The following BEND6 variants were observed in gnomAD, a reference collection of about 807,000 sequenced individuals.
BEND6 encodes the protein BEN domain-containing protein 6.
A neutral mutation model predicts 31.8 loss-of-function variants in BEND6; 24 were observed. That is an observed-to-expected ratio of 0.75 (90% CI 0.55 to 1.06). BEND6 has a LOEUF of 1.06. Ranked by LOEUF, BEND6 falls within the 50% of genes least tolerant of loss-of-function variation. BEND6 has a pLI of 0.00. For synonymous variants in BEND6, 109 were observed against 114.6 expected, an observed-to-expected ratio of 0.95 and a Z score of 0.31; for missense variants, 294 against 327.4, an observed-to-expected ratio of 0.90 and a Z score of 0.79.
chr6:56,997,213 G>A (rs1826751751), intron 3 of BEND6, among the ~76,000 whole-genome samples: 1 of 152,094 alleles, frequency 6.6e-6, no homozygotes, highest in African/African-American at 2.4e-5. Flanking sequence ...TGCCTAGAAT[G>A]TTCTTCTTCC....
chr6:56,978,371 C>A (rs1825962092), intron 1 of BEND6, among the ~76,000 whole-genome samples: 1 of 152,058 alleles, frequency 6.6e-6, no homozygotes, highest in South Asian at 2.1e-4. Flanking sequence ...CACCACAATT[C>A]AATTTTTAAA....
chr6:56,976,212 T>C (rs1362747030), intron 1 of BEND6: 1 of 182,656 alleles, frequency 5.5e-6, no homozygotes, highest in Non-Finnish European at 1.1e-5. Flanking sequence ...TTTTTTTTTT[T>C]TGAGATACAG....
chr6:57,019,831 C>T (rs935741265), intron 6 of BEND6, among the ~76,000 whole-genome samples: 17 of 152,224 alleles, frequency 1.1e-4, no homozygotes, highest in Admixed American at 4.6e-4. Context: ...TGGTGGCTCA[C>T]GCCTGTAGTC....
chr6:57,014,553 AAG>A (rs1177963332), intron 3 of BEND6: 5 of 1,453,240 alleles, frequency 3.4e-6, no homozygotes, highest in Non-Finnish European at 4.6e-6. Flanking sequence ...AAAAGGAACA[AAG>A]AAAATATTCC....
chr6:56,972,244 G>A (rs999764939), intron 1 of BEND6, among the ~76,000 whole-genome samples: 26 of 151,694 alleles, frequency 1.7e-4, no homozygotes, highest in African/African-American at 5.8e-4. Flanking sequence ...AAAGTCATGC[G>A]CCACCAGGCC....
chr6:57,007,021 G>A (rs1308446111), intron 3 of BEND6, among the ~76,000 whole-genome samples: 4 of 152,172 alleles, frequency 2.6e-5, no homozygotes, highest in Non-Finnish European at 5.9e-5. Flanking sequence ...CAGGCACGGT[G>A]ACTTACACCT....
rs75843513 is a variant in BEND6 at position 56,996,479 on chromosome 6, A to C, written c.298+3924A>C. Among the ~76,000 whole-genome samples the C allele has an allele frequency of 8.6e-3, 1,313 of 152,008 alleles. 21 individuals are homozygous for C. Among genetic ancestry groups the C allele is most frequent in the African/African-American group, 0.03 (1,233 of 41,400 alleles). ...CAAACAAAAACAAAAACAAAAAAAA[A>C]CACACAAAAATCAATGAGCTATGAT... On this transcript the variant is annotated intron_variant, in intron 3 of 6. Coordinates refer to ENST00000370746, the MANE Select transcript of BEND6 (RefSeq NM_152731.3).
At chr6:56,965,186 TG>T (rs1329440279) in intron 1 of BEND6, among the ~76,000 whole-genome samples, 4 of 152,310 alleles carry the variant, frequency 2.6e-5, no homozygotes, top group East Asian at 3.8e-4. Flanking sequence ...GCTGATCATT[TG>T]TTTTTTTTAA....
intron 3 of BEND6, chr6:57,014,505 A>G: frequency 6.6e-7 from 1 of 1,524,320 alleles, no homozygotes; most frequent in Non-Finnish European, 8.8e-7. Flanking sequence ...TTTTACATGG[A>G]GGCATGAAAA....
At chr6:56,989,183 T>C (rs1221117681) in intron 2 of BEND6, among the ~76,000 whole-genome samples, 1 of 150,788 alleles carries the variant, frequency 6.6e-6, no homozygotes, top group Non-Finnish European at 1.5e-5. Flanking sequence ...TTTATCTAGA[T>C]AATGTATCAT....
intron 3 of BEND6, among the ~76,000 whole-genome samples, chr6:57,007,840 C>A (rs1285120411): frequency 2.0e-5 from 3 of 152,092 alleles, no homozygotes; most frequent in Non-Finnish European, 4.4e-5. Context: ...TTCCCGGAAC[C>A]AAGCTGGGTC....
Position 57,015,275 on chromosome 6 carries a change from A to T in BEND6, c.441A>T (p.Thr147=), listed in dbSNP as rs760983780. Residue 147 remains threonine (T), a synonymous_variant, in exon 4 of 7, where the codon ACA becomes ACT. Transcript: ENST00000370746. ...NNSSPDSFAS[T]CSNSNSNSSS... is the part of the protein sequence containing the mutation. ...CCTCGCCAGATTCATTTGCCTCAACATGCAGTAATTCTAATTCTAACTCCA... is the reference window on the plus strand; with the variant it reads ...CCTCGCCAGATTCATTTGCCTCAACTTGCAGTAATTCTAATTCTAACTCCA... 1.7e-5 allele frequency: 28 copies of T among 1,614,050 alleles called. No individual in the cohort carries two copies. In the Admixed American group the frequency reaches 2.3e-4, roughly 13 times the overall value.
intron 2 of BEND6, among the ~76,000 whole-genome samples, chr6:56,988,619 G>C (rs1317305506): frequency 3.3e-5 from 5 of 151,966 alleles, no homozygotes; most frequent in South Asian, 4.1e-4. Flanking sequence ...CCCATCCCAA[G>C]ACCTAAAACA....
chr6:56,992,642 G>A, intron 3 of BEND6, 87 bp downstream of exon 3: 5 of 1,399,336 alleles, frequency 3.6e-6, no homozygotes, highest in South Asian at 1.5e-5. Flanking sequence ...CAAGAATGAA[G>A]AAGAAAATCC....
intron 1 of BEND6, chr6:56,975,604 C>A: frequency 2.9e-6 from 1 of 348,320 alleles, no homozygotes; most frequent in South Asian, 3.1e-5. Context: ...CGAAAGCACT[C>A]TAGCCCATCA....
intron 1 of BEND6, among the ~76,000 whole-genome samples, chr6:56,977,477 T>G (rs79207065): frequency 0.13 from 19,614 of 152,160 alleles, 1,476 homozygotes; most frequent in Middle Eastern, 0.2. Context: ...CAAATATATA[T>G]AGAGCAGAAA....
chr6:56,963,847 A>G (rs1442154591), intron 1 of BEND6, among the ~76,000 whole-genome samples: 1 of 147,436 alleles, frequency 6.8e-6, no homozygotes, highest in Non-Finnish European at 1.5e-5. Flanking sequence ...TATAACTAAT[A>G]CAATACTAGT....
chr6:56,967,598 A>G (rs1825529989), intron 1 of BEND6, among the ~76,000 whole-genome samples: 1 of 152,130 alleles, frequency 6.6e-6, no homozygotes, highest in African/African-American at 2.4e-5. Flanking sequence ...AAGGATCTGG[A>G]GGGCCAAAGA....
chr6:57,004,603 G>C, intron 3 of BEND6: 1 of 1,024,026 alleles, frequency 9.8e-7, no homozygotes, highest in Non-Finnish European at 1.5e-6. Flanking sequence ...TCAACCTCCA[G>C]ATCAACCTGG....
Sources: allele counts gnomAD v4.1 joint callset (sites outside exome capture counted in the v4.1 genomes callset), GRCh38; gene constraint gnomAD v4.1.1; transcripts MANE v1.5; gene names NCBI Gene and HGNC (gene_info 2026-07-23, HGNC 2026-07-21).